The following MYT1L variants were observed in gnomAD, a reference collection of about 807,000 sequenced individuals.
MYT1L encodes the protein myelin transcription factor 1 like, also known as myelin transcription factor 1-like protein.
MYT1L carries 12 observed loss-of-function variants against 126.7 expected under a neutral mutation model. The observed-to-expected ratio is 0.09, with a 90% CI of 0.06 to 0.15. The LOEUF (loss-of-function observed/expected upper bound fraction) is 0.15. Ranked by LOEUF, MYT1L falls within the 10% of genes least tolerant of loss-of-function variation. The pLI is 1.00. For synonymous variants in MYT1L, 541 were observed against 604.2 expected, an observed-to-expected ratio of 0.90 and a Z score of 1.53; for missense variants, 979 against 1,585.2, an observed-to-expected ratio of 0.62 and a Z score of 6.49.
intron 4 of MYT1L, among the ~76,000 whole-genome samples, chr2:2,030,925 A>C (rs1266533307): frequency 6.6e-6 from 1 of 152,210 alleles, no homozygotes; most frequent in Non-Finnish European, 1.5e-5. Context: ...GTTTTAATAA[A>C]GTCCGTATTA....
intron 5 of MYT1L, among the ~76,000 whole-genome samples, chr2:1,995,124 T>A (rs2061724983): frequency 6.6e-6 from 1 of 152,198 alleles, no homozygotes; most frequent in Non-Finnish European, 1.5e-5. Context: ...GGAATAGTTT[T>A]TTTTTTTTCC....
At chr2:2,122,827 G>T (rs950508115) in intron 3 of MYT1L, among the ~76,000 whole-genome samples, 7 of 150,046 alleles carry the variant, frequency 4.7e-5, no homozygotes, top group Non-Finnish European at 7.4e-5. Flanking sequence ...AACTGGGAGG[G>T]AGGATAGGAA....
At chr2:2,061,707 T>C (rs2070526545) in intron 3 of MYT1L, among the ~76,000 whole-genome samples, 1 of 152,144 alleles carries the variant, frequency 6.6e-6, no homozygotes, top group Admixed American at 6.5e-5. Flanking sequence ...TTCTTCATCC[T>C]GGACCCTGAG....
chr2:2,202,237 C>A (rs969114837), intron 2 of MYT1L, among the ~76,000 whole-genome samples: 13 of 152,016 alleles, frequency 8.6e-5, no homozygotes, highest in Non-Finnish European at 1.8e-4. Context: ...CAAACACATT[C>A]AAAAGCTAGC....
chr2:1,962,521 T>C (rs1024053815), intron 8 of MYT1L, among the ~76,000 whole-genome samples: 30 of 152,202 alleles, frequency 2.0e-4, no homozygotes, highest in Admixed American at 6.5e-5. Context: ...TGTGGAAATT[T>C]CTTAAAATAA....
At chr2:1,930,306 G>A (rs761091717) in intron 9 of MYT1L, among the ~76,000 whole-genome samples, 23 of 152,338 alleles carry the variant, frequency 1.5e-4, no homozygotes, top group East Asian at 9.7e-4. Context: ...ACTATATCAC[G>A]GAGCAGAGCG....
chr2:2,106,396 T>C (rs2078766338), intron 3 of MYT1L, among the ~76,000 whole-genome samples: 1 of 152,088 alleles, frequency 6.6e-6, no homozygotes, highest in African/African-American at 2.4e-5. Flanking sequence ...TGAGGGTGGA[T>C]CACTTGAGGT....
chr2:2,143,061 C>A (rs113141342), intron 3 of MYT1L, among the ~76,000 whole-genome samples: 6,446 of 150,760 alleles, frequency 0.043, 203 homozygotes, highest in Non-Finnish European at 0.065. Context: ...GAGGCCGAGG[C>A]GGGCAGATCA....
intron 1 of MYT1L, among the ~76,000 whole-genome samples, chr2:2,286,805 C>A (rs954165827): frequency 2.6e-5 from 4 of 152,180 alleles, no homozygotes; most frequent in African/African-American, 9.7e-5. Context: ...TCCCTCCCCA[C>A]CCACCTGCAC....
intron 21 of MYT1L, among the ~76,000 whole-genome samples, chr2:1,810,872 T>C (rs764502794): frequency 3.3e-5 from 5 of 152,210 alleles, no homozygotes; most frequent in South Asian, 2.1e-4. Context: ...ATAATTATAA[T>C]AGAATATTCA....
chr2:2,074,807 T>C (rs2075033208), intron 3 of MYT1L, among the ~76,000 whole-genome samples: 1 of 152,194 alleles, frequency 6.6e-6, no homozygotes, highest in Non-Finnish European at 1.5e-5. Flanking sequence ...CTGTTAACTT[T>C]TGATCTCATG....
rs183632263 is a variant in MYT1L at position 2,124,582 on chromosome 2, C to T, written c.-304+48290G>A. Reference sequence around the variant, plus strand: ...AAGTGCTGGGATTACAGGTGTGAGCCACCCTGCCTGGCCCAGTTATTCTTT... The same window carrying T: ...AAGTGCTGGGATTACAGGTGTGAGCTACCCTGCCTGGCCCAGTTATTCTTT... On this transcript the variant is annotated intron_variant, in intron 3 of 24. Transcript: ENST00000647738. Among the ~76,000 whole-genome samples the T allele has an allele frequency of 1.3e-3, 198 of 152,344 alleles. 1 individual carries two copies. The highest frequency in any genetic ancestry group is 4.1e-3 in the African/African-American group (171 of 41,578).
intron 4 of MYT1L, among the ~76,000 whole-genome samples, chr2:2,026,822 C>T (rs2065646490): frequency 6.6e-6 from 1 of 151,978 alleles, no homozygotes; most frequent in Non-Finnish European, 1.5e-5. Flanking sequence ...TGTGCGGGGC[C>T]CCTCAACACC....
rs565334418 is a variant in MYT1L, at chr2:2,065,889, T to C, written c.-303-11766A>G. Among the ~76,000 whole-genome samples, 18 of 150,060 alleles carry C rather than the reference T, an allele frequency of 1.2e-4. No homozygotes were observed. In the East Asian group the frequency reaches 1.6e-3, roughly 13 times the overall value. ...ACACACAGAGCATCTAGAACCAAAG[T>C]TGGAAGTTAAAACAGAAAGAAGAAA... is the stretch of plus-strand genomic sequence containing the variant. On this transcript the variant is annotated intron_variant, in intron 3 of 24. Coordinates refer to ENST00000647738, the MANE Select transcript of MYT1L (RefSeq NM_001303052.2).
intron 18 of MYT1L, 140 bp downstream of exon 18, chr2:1,886,399 C>T: frequency 1.9e-6 from 1 of 526,374 alleles, no homozygotes; most frequent in Non-Finnish European, 3.1e-6. Context: ...GGATTCAATC[C>T]CATGTCTACA....
intron 3 of MYT1L, among the ~76,000 whole-genome samples, chr2:2,082,584 AATC>A (rs1436161681): frequency 6.6e-6 from 1 of 152,158 alleles, no homozygotes; most frequent in African/African-American, 2.4e-5. Flanking sequence ...ATAATAATAG[AATC>A]ATCATGTGAG....
intron 8 of MYT1L, among the ~76,000 whole-genome samples, chr2:1,948,058 A>G (rs1186400483): frequency 6.6e-6 from 1 of 152,170 alleles, no homozygotes. Flanking sequence ...TTTACTCTCT[A>G]AAGCTTTACA....
In MYT1L at chr2:2,226,101, C is replaced by T. The variant is rs144301640; in HGVS notation, c.-420-53113G>A. ...TCTTTCTTATAGATGCATCCATGAG[C>T]CAGTATCTAGAGGCGGCAATGCAGG... On this transcript the variant is annotated intron_variant, in intron 2 of 24. Transcript: ENST00000647738. Among the ~76,000 whole-genome samples the T allele has an allele frequency of 3.8e-4, 58 of 152,190 alleles. 1 individual carries two copies. In the East Asian group the frequency reaches 0.011, roughly 30 times the overall value.
intron 18 of MYT1L, among the ~76,000 whole-genome samples, chr2:1,881,925 G>A (rs963278901): frequency 2.0e-5 from 3 of 152,138 alleles, no homozygotes; most frequent in African/African-American, 7.2e-5. Flanking sequence ...TTCTGAGCTC[G>A]GGCTTTGCCC....
Sources: allele counts gnomAD v4.1 joint callset (sites outside exome capture counted in the v4.1 genomes callset), GRCh38; gene constraint gnomAD v4.1.1; transcripts MANE v1.5; gene names NCBI Gene and HGNC (gene_info 2026-07-23, HGNC 2026-07-21).